CDH2: variants seen among roughly 807,000 people sequenced by gnomAD.
CDH2 encodes the protein cadherin 2.
CDH2 carries 17 observed loss-of-function variants against 92.0 expected under a neutral mutation model. The ratio of observed to expected loss-of-function variants is 0.18; its 90% CI spans 0.13 to 0.28. The LOEUF (loss-of-function observed/expected upper bound fraction) is 0.28, where lower values mean the gene tolerates loss of function less well. Among genes scored for constraint, CDH2 ranks in the 10% least tolerant of loss-of-function variants. The pLI, the probability that CDH2 is intolerant of heterozygous loss-of-function variation, is 1.00. For synonymous variants in CDH2, 419 were observed against 415.9 expected (o/e 1.01, Z -0.09); for missense variants, 862 against 1,133.1 (o/e 0.76, Z 3.44).
chr18:28,114,375 T>A (rs533873327), intron 2 of CDH2, among the ~76,000 whole-genome samples: 2 of 152,272 alleles, frequency 1.3e-5, no homozygotes, highest in South Asian at 4.1e-4. Flanking sequence ...GAACTGGATC[T>A]TAGAGTACTT....
At chr18:27,940,086 C>T (rs1909102282) in intron 6 of CDH2, among the ~76,000 whole-genome samples, 1 of 152,212 alleles carries the variant, frequency 6.6e-6, no homozygotes, top group Admixed American at 6.5e-5. Context: ...ACTTCTCCCT[C>T]TACCTAATCT....
intron 1 of CDH2, among the ~76,000 whole-genome samples, chr18:28,152,593 A>G (rs994027048): frequency 1.3e-5 from 2 of 152,198 alleles, no homozygotes; most frequent in African/African-American, 4.8e-5. Flanking sequence ...CAATGAGTTC[A>G]GTGTCGCCGG....
At chr18:28,167,761 A>G (rs896043159) in intron 1 of CDH2, among the ~76,000 whole-genome samples, 1 of 152,152 alleles carries the variant, frequency 6.6e-6, no homozygotes, top group African/African-American at 2.4e-5. Context: ...AAGTAAATGT[A>G]TATGTGTGTA....
At chr18:28,131,698 G>A (rs908927920) in intron 2 of CDH2, among the ~76,000 whole-genome samples, 1 of 151,896 alleles carries the variant, frequency 6.6e-6, no homozygotes, top group African/African-American at 2.4e-5. Flanking sequence ...GTGTGTGTGT[G>A]TGTGTGTGTG....
intron 6 of CDH2, among the ~76,000 whole-genome samples, chr18:27,945,079 TG>T (rs1201728049): frequency 6.6e-6 from 1 of 152,164 alleles, no homozygotes; most frequent in Non-Finnish European, 1.5e-5. Context: ...CTCTCAAACT[TG>T]TTTTAGCTGC....
At chr18:27,936,888 A>G (rs1909032754) in intron 6 of CDH2, among the ~76,000 whole-genome samples, 2 of 152,184 alleles carry the variant, frequency 1.3e-5, no homozygotes, top group Non-Finnish European at 2.9e-5. Context: ...GCTCAAAAAA[A>G]CTTGAGGTAG....
At chr18:28,034,260 A>G (rs2013770916) in intron 2 of CDH2, among the ~76,000 whole-genome samples, 1 of 152,054 alleles carries the variant, frequency 6.6e-6, no homozygotes, top group South Asian at 2.1e-4. Flanking sequence ...CATACGCTAT[A>G]GTCTCAGATT....
intron 2 of CDH2, among the ~76,000 whole-genome samples, chr18:28,076,939 TACTC>T (rs994423678): frequency 6.6e-6 from 1 of 152,122 alleles, no homozygotes; most frequent in African/African-American, 2.4e-5. Flanking sequence ...GCATAGGAAA[TACTC>T]TATATAGTAG....
chr18:28,174,507 G>A (rs897703705), intron 1 of CDH2, among the ~76,000 whole-genome samples: 2 of 152,182 alleles, frequency 1.3e-5, no homozygotes, highest in Non-Finnish European at 2.9e-5. Flanking sequence ...TTAGAGGACT[G>A]CCAAATAACT....
chr18:27,957,066 A>T (rs2011264843), intron 15 of CDH2, among the ~76,000 whole-genome samples: 1 of 151,720 alleles, frequency 6.6e-6, no homozygotes, highest in Admixed American at 6.6e-5. Context: ...GTGCACTTCT[A>T]TGTTGTTTAT....
chr18:28,031,985 G>A (rs1470434865), intron 2 of CDH2, among the ~76,000 whole-genome samples: 1 of 152,068 alleles, frequency 6.6e-6, no homozygotes, highest in East Asian at 1.9e-4. Flanking sequence ...GCCTAGGGGA[G>A]GGGTGTAGTA....
At chr18:28,089,943 A>G (rs2015005665) in intron 2 of CDH2, among the ~76,000 whole-genome samples, 1 of 152,284 alleles carries the variant, frequency 6.6e-6, no homozygotes, top group African/African-American at 2.4e-5. Flanking sequence ...TATCCACGTG[A>G]ATTATGCTCT....
intron 1 of CDH2, among the ~76,000 whole-genome samples, chr18:28,154,455 C>T (rs113631408): frequency 1.3e-5 from 2 of 152,220 alleles, no homozygotes; most frequent in African/African-American, 4.8e-5. Context: ...CAAGTATTTA[C>T]TCTACTCTTC....
chr18:28,154,961 C>T (rs1229820751), intron 1 of CDH2, among the ~76,000 whole-genome samples: 2 of 152,178 alleles, frequency 1.3e-5, no homozygotes, highest in South Asian at 4.1e-4. Flanking sequence ...AAATGTAATC[C>T]ATTGGATGTC....
chr18:28,087,212 A>G (rs2014948195), intron 2 of CDH2, among the ~76,000 whole-genome samples: 1 of 152,182 alleles, frequency 6.6e-6, no homozygotes, highest in Non-Finnish European at 1.5e-5. Context: ...AAAAGGCAGG[A>G]TGAAAGACAA....
At chr18:27,985,893 T>A in intron 11 of CDH2, 132 bp from the exon 12 acceptor site, 1 of 614,846 alleles carries the variant, frequency 1.6e-6, no homozygotes, top group Non-Finnish European at 2.8e-6. Context: ...ATAGTTGCTA[T>A]GGCATCTGGG....
intron 14 of CDH2, among the ~76,000 whole-genome samples, chr18:27,979,647 G>A (rs746403105): frequency 7.2e-5 from 11 of 152,162 alleles, no homozygotes; most frequent in Non-Finnish European, 5.9e-5. Context: ...TGACAAAAAT[G>A]AACGACTTCT....
chr18:28,140,765 G>C (rs969356094), intron 2 of CDH2, among the ~76,000 whole-genome samples: 3 of 150,902 alleles, frequency 2.0e-5, no homozygotes, highest in Non-Finnish European at 4.4e-5. Context: ...GAAAATATTT[G>C]TAAATCATAT....
intron 13 of CDH2, among the ~76,000 whole-genome samples, chr18:27,984,668 TC>T (rs1358779898): frequency 1.3e-5 from 2 of 152,314 alleles, no homozygotes; most frequent in East Asian, 3.9e-4. Context: ...CATACTCAAA[TC>T]ATAAGAAAAG....
Sources: gnomAD v4.1 joint callset for allele counts (sites outside exome capture counted in the v4.1 genomes callset) on GRCh38, gnomAD v4.1.1 for gene constraint, MANE v1.5 for transcripts, NCBI Gene and HGNC (gene_info 2026-07-23, HGNC 2026-07-21) for gene names.